PDE1C: variants seen among roughly 807,000 people sequenced by gnomAD.
PDE1C encodes phosphodiesterase 1C.
Under a neutral mutation model 93.1 loss-of-function variants are expected in PDE1C, and 62 were observed. The observed-to-expected ratio is 0.67, with a 90% CI of 0.54 to 0.82. PDE1C has a LOEUF of 0.82. Ranked by LOEUF, PDE1C falls within the 40% of genes least tolerant of loss-of-function variation. The pLI is 0.00. For missense variants in PDE1C, 742 were observed against 884.6 expected (o/e 0.84, Z 2.04); for synonymous variants, 325 against 310.1 (o/e 1.05, Z -0.50).
intron 1 of PDE1C, among the ~76,000 whole-genome samples, chr7:32,366,577 C>T (rs1023395032): frequency 6.6e-6 from 1 of 152,128 alleles, no homozygotes; most frequent in Non-Finnish European, 1.5e-5. Context: ...ATCAAAGAAC[C>T]TCAAATAGAT....
rs200768177 is a variant in PDE1C, at chr7:32,260,814, C to A, written c.85+37837G>T. Among the ~76,000 whole-genome samples the A allele has an allele frequency of 1.4e-3, 207 of 152,310 alleles. 3 individuals are homozygous for A. The highest frequency in any genetic ancestry group is 4.6e-3 in the East Asian group (24 of 5,180). On this transcript the variant is annotated intron_variant, in intron 1 of 18. Coordinates refer to the PDE1C transcript ENST00000396193. ...GACCAGTCTGCCTTTGCAAGACTAA[C>A]AAATTAGCTACAAGATTAGAAATTG...
In PDE1C at chr7:32,288,541, T is replaced by C. The variant is rs1812145334; in HGVS notation, c.85+10110A>G. Among the ~76,000 whole-genome samples, 12 of 152,106 alleles carry C rather than the reference T, an allele frequency of 7.9e-5. 1 individual carries two copies. Among genetic ancestry groups the C allele is most frequent in the Admixed American group, 7.9e-4 (12 of 15,266 alleles). On this transcript the variant is annotated intron_variant, in intron 1 of 18. Coordinates refer to the PDE1C transcript ENST00000396193. ...AAATGCATCCTGTTGGAAAACTGGG[T>C]TTCTGTGGGGCCCAGCAGATGGTTG...
chr7:32,313,524 C>T (rs1221488648), intron 1 of PDE1C, among the ~76,000 whole-genome samples: 2 of 152,004 alleles, frequency 1.3e-5, no homozygotes, highest in East Asian at 3.9e-4. Flanking sequence ...CAACGATAGA[C>T]TGGATTAAGA....
the PDE1C span, among the ~76,000 whole-genome samples, chr7:31,689,129 C>T: frequency 6.6e-6 from 1 of 152,106 alleles, no homozygotes; most frequent in Non-Finnish European, 1.5e-5. Context: ...CGTTTGACTC[C>T]AGGCTTGTCA....
At chr7:32,173,628 C>T (rs1473923189) in intron 2 of PDE1C, among the ~76,000 whole-genome samples, 1 of 152,040 alleles carries the variant, frequency 6.6e-6, no homozygotes, top group Non-Finnish European at 1.5e-5. Context: ...CCTTATGGGG[C>T]ATGAGGGATG....
At chr7:32,168,420 A>C (rs1174527299) in intron 3 of PDE1C, among the ~76,000 whole-genome samples, 1 of 152,096 alleles carries the variant, frequency 6.6e-6, no homozygotes, top group African/African-American at 2.4e-5. Context: ...CATGAGAGTA[A>C]CTCTTTGCCT....
intron 1 of PDE1C, among the ~76,000 whole-genome samples, chr7:32,414,842 A>AAT (rs368691197): frequency 0.014 from 2,150 of 151,692 alleles, 57 homozygotes; most frequent in African/African-American, 0.049. Flanking sequence ...AAAAAAAAAA[A>AAT]GCCTGTAAAA....
chr7:31,820,531 C>T (rs1788828858), intron 14 of PDE1C: 1 of 152,108 alleles, frequency 6.6e-6, no homozygotes, highest in Non-Finnish European at 1.5e-5. Context: ...TCTTGCCTAC[C>T]TAGTTTTGTA....
At chr7:31,934,951 T>C (rs1368452583) in intron 2 of PDE1C, among the ~76,000 whole-genome samples, 1 of 152,234 alleles carries the variant, frequency 6.6e-6, no homozygotes, top group Non-Finnish European at 1.5e-5. Flanking sequence ...AGTGATTATG[T>C]TCCAATTTCA....
chr7:32,206,297 G>T (rs1020529308), intron 2 of PDE1C, among the ~76,000 whole-genome samples: 1 of 152,038 alleles, frequency 6.6e-6, no homozygotes, highest in African/African-American at 2.4e-5. Context: ...GAGCAGAAAG[G>T]GGCCAGTTTA....
At chr7:32,292,282 GA>G (rs1267955167) in intron 1 of PDE1C, among the ~76,000 whole-genome samples, 3 of 151,082 alleles carry the variant, frequency 2.0e-5, no homozygotes, top group African/African-American at 7.3e-5. Flanking sequence ...GTTGAGGTAA[GA>G]ACACTTAACA....
chr7:31,974,883 T>C (rs556018906), intron 2 of PDE1C, among the ~76,000 whole-genome samples: 1 of 152,340 alleles, frequency 6.6e-6, no homozygotes, highest in East Asian at 1.9e-4. Flanking sequence ...AGATTAATTT[T>C]ATAATGTGTA....
At chr7:31,621,729 A>T in the PDE1C span, among the ~76,000 whole-genome samples, 1 of 146,998 alleles carries the variant, frequency 6.8e-6, no homozygotes, top group Non-Finnish European at 1.5e-5. Context: ...TAACATCATA[A>T]TGACAGGATC....
the PDE1C span, chr7:31,642,839 C>T: frequency 0.77 from 1,243,592 of 1,613,740 alleles, 481,584 homozygotes; most frequent in East Asian, 0.87. Flanking sequence ...AGCCAAGAAG[C>T]GAATGCCTTG....
chr7:31,855,069 TA>T (rs70989615), intron 7 of PDE1C, among the ~76,000 whole-genome samples: 64,969 of 106,418 alleles, frequency 0.61, 18,790 homozygotes, highest in East Asian at 0.92. Flanking sequence ...TCCCTCTGTC[TA>T]AAAAAAAAAA....
chr7:32,005,696 T>C (rs2128571365), intron 2 of PDE1C, among the ~76,000 whole-genome samples: 2 of 151,336 alleles, frequency 1.3e-5, no homozygotes, highest in South Asian at 4.2e-4. Flanking sequence ...CCAATCACAC[T>C]AGAAGGAACC....
At chr7:31,863,900 C>G (rs1794968243) in intron 7 of PDE1C, among the ~76,000 whole-genome samples, 1 of 152,106 alleles carries the variant, frequency 6.6e-6, no homozygotes, top group Non-Finnish European at 1.5e-5. Context: ...TATCTAGCTC[C>G]AAAGCCCACA....
At chr7:32,076,089 C>T (rs1796336500), upstream of PDE1C, among the ~76,000 whole-genome samples, 1 of 152,044 alleles carries the variant, frequency 6.6e-6, no homozygotes, top group Admixed American at 6.6e-5. Context: ...CTGAGTCTGC[C>T]CCCGCAGGCC....
intron 3 of PDE1C, among the ~76,000 whole-genome samples, chr7:32,149,236 T>C (rs192103024): frequency 8.1e-4 from 124 of 152,312 alleles, no homozygotes; most frequent in Middle Eastern, 3.4e-3. Flanking sequence ...TAGTTAGATA[T>C]TATGCTTCTA....
Sources: allele counts gnomAD v4.1 joint callset (sites outside exome capture counted in the v4.1 genomes callset), GRCh38; gene constraint gnomAD v4.1.1; transcripts MANE v1.5; gene names NCBI Gene and HGNC (gene_info 2026-07-23, HGNC 2026-07-21).